Variants in MACROD2 observed in about 807,000 individuals in gnomAD.
MACROD2 encodes the protein mono-ADP ribosylhydrolase 2, also known as ADP-ribose glycohydrolase MACROD2.
MACROD2 carries 36 observed loss-of-function variants against 70.4 expected under a neutral mutation model. The observed-to-expected ratio is 0.51, with a 90% CI of 0.39 to 0.68. MACROD2 has a LOEUF of 0.68. MACROD2 is among the 30% of genes least tolerant of loss of function. MACROD2 has a pLI of 0.00. For synonymous variants in MACROD2, 172 were observed against 178.8 expected (o/e 0.96, Z 0.30); for missense variants, 496 against 538.4 (o/e 0.92, Z 0.78).
At chr20:14,929,006 G>A (rs1215685885) in intron 5 of MACROD2, among the ~76,000 whole-genome samples, 1 of 152,172 alleles carries the variant, frequency 6.6e-6, no homozygotes, top group Non-Finnish European at 1.5e-5. Context: ...AAAAGCAAGG[G>A]AGGTTTATGA....
chr20:15,811,805 A>G (rs1212364409), intron 8 of MACROD2, among the ~76,000 whole-genome samples: 1 of 152,184 alleles, frequency 6.6e-6, no homozygotes. Context: ...AGGATATAGT[A>G]CGTCAGCTGG....
At chr20:15,576,552 G>GTTTTTTT (rs11473854) in intron 8 of MACROD2, among the ~76,000 whole-genome samples, 14 of 145,740 alleles carry the variant, frequency 9.6e-5, no homozygotes, top group Non-Finnish European at 1.3e-4. Flanking sequence ...TGCACAAAAT[G>GTTTTTTT]TTTTTTTTTT....
chr20:15,493,377 T>C (rs1039795076), intron 7 of MACROD2, among the ~76,000 whole-genome samples: 3 of 152,228 alleles, frequency 2.0e-5, no homozygotes, highest in South Asian at 2.1e-4. Context: ...TTTTTTCTAG[T>C]GAGAACCTCC....
intron 5 of MACROD2, among the ~76,000 whole-genome samples, chr20:14,692,717 C>T (rs1269273707): frequency 1.3e-5 from 2 of 152,150 alleles, no homozygotes; most frequent in African/African-American, 4.8e-5. Flanking sequence ...TCTGTTATCC[C>T]ATCACCAAAC....
chr20:14,127,812 G>A, intron 3 of MACROD2: 1 of 462,322 alleles, frequency 2.2e-6, no homozygotes, highest in Non-Finnish European at 4.3e-6. Context: ...AGAGAAAGGA[G>A]AGAAGGAGAA....
chr20:14,983,120 T>C (rs893180795), intron 5 of MACROD2, among the ~76,000 whole-genome samples: 1 of 152,206 alleles, frequency 6.6e-6, no homozygotes, highest in African/African-American at 2.4e-5. Flanking sequence ...ACTGCCCTGC[T>C]GGATTTCAGA....
At chr20:15,154,366 A>G (rs1485894029) in intron 5 of MACROD2, among the ~76,000 whole-genome samples, 1 of 152,188 alleles carries the variant, frequency 6.6e-6, no homozygotes, top group Non-Finnish European at 1.5e-5. Context: ...AGAAGCTGAC[A>G]GTGGGCAGAA....
At chr20:14,732,615 C>A (rs867634557) in intron 5 of MACROD2, among the ~76,000 whole-genome samples, 1 of 152,082 alleles carries the variant, frequency 6.6e-6, no homozygotes, top group Non-Finnish European at 1.5e-5. Flanking sequence ...AAAGGAAAGT[C>A]GATGTTTTAG....
At chr20:14,344,788 T>C (rs1040662042) in intron 3 of MACROD2, among the ~76,000 whole-genome samples, 5 of 152,354 alleles carry the variant, frequency 3.3e-5, no homozygotes, top group African/African-American at 1.2e-4. Flanking sequence ...TTTAAAGTTA[T>C]TAATTTTTGT....
At chr20:14,769,905 T>G (rs1442058973) in intron 5 of MACROD2, among the ~76,000 whole-genome samples, 2 of 152,016 alleles carry the variant, frequency 1.3e-5, no homozygotes, top group African/African-American at 4.8e-5. Flanking sequence ...CAGAAACTAA[T>G]TAAATGTCCA....
chr20:14,970,915 CA>C (rs1358480633), intron 5 of MACROD2, among the ~76,000 whole-genome samples: 2 of 151,794 alleles, frequency 1.3e-5, no homozygotes, highest in Non-Finnish European at 2.9e-5. Context: ...CCATGCTCAG[CA>C]AAAAAACAGT....
chr20:14,372,234 T>C (rs914223500), intron 3 of MACROD2, among the ~76,000 whole-genome samples: 1 of 152,184 alleles, frequency 6.6e-6, no homozygotes, highest in Admixed American at 6.6e-5. Context: ...ATAATTTTAC[T>C]AGAAAAAACA....
At position 14,064,078 on chromosome 20, in the gene MACROD2, A is replaced by G. The variant is rs146988249; in HGVS notation, c.164-21543A>G. Among the ~76,000 whole-genome samples, 766 of 152,306 alleles carry G rather than the reference A, an allele frequency of 5.0e-3. 6 individuals carry two copies. Among genetic ancestry groups the G allele is most frequent in the Non-Finnish European group, 8.3e-3 (568 of 68,030 alleles). On this transcript the variant is annotated intron_variant, in intron 2 of 17. Transcript: ENST00000684519. Reference sequence around the variant, plus strand: ...ACTCAACCTGTAATTAATACATGAAATAGGCATTTCAGTGCTTCTGTTGTT... The same window carrying G: ...ACTCAACCTGTAATTAATACATGAAGTAGGCATTTCAGTGCTTCTGTTGTT...
At chr20:15,744,937 CA>C (rs138453622) in intron 8 of MACROD2, among the ~76,000 whole-genome samples, 30,505 of 151,960 alleles carry the variant, frequency 0.2, 3,520 homozygotes, top group African/African-American at 0.32. Flanking sequence ...TTGAAGTGTA[CA>C]TTTTTTTATG....
At chr20:14,527,789 A>AC (rs2085252526) in intron 4 of MACROD2, among the ~76,000 whole-genome samples, 1 of 152,200 alleles carries the variant, frequency 6.6e-6, no homozygotes. Flanking sequence ...CATGTGGTTC[A>AC]CCTGAGCCTG....
chr20:15,163,244 A>G (rs1462565944), intron 5 of MACROD2, among the ~76,000 whole-genome samples: 2 of 152,038 alleles, frequency 1.3e-5, no homozygotes, highest in Non-Finnish European at 2.9e-5. Flanking sequence ...CACCATAAGC[A>G]TAAAAAGACT....
chr20:14,307,040 C>T (rs921160856), intron 3 of MACROD2, among the ~76,000 whole-genome samples: 7 of 148,218 alleles, frequency 4.7e-5, no homozygotes, highest in African/African-American at 1.8e-4. Context: ...CACACACACA[C>T]ACACACAATT....
intron 5 of MACROD2, among the ~76,000 whole-genome samples, chr20:14,859,085 G>C (rs1384064691): frequency 6.6e-6 from 1 of 151,992 alleles, no homozygotes; most frequent in Non-Finnish European, 1.5e-5. Flanking sequence ...GGGAAGGTTG[G>C]GAGGGGGGTG....
At chr20:14,268,426 G>A (rs939185919) in intron 3 of MACROD2, among the ~76,000 whole-genome samples, 1 of 152,020 alleles carries the variant, frequency 6.6e-6, no homozygotes, top group Non-Finnish European at 1.5e-5. Flanking sequence ...CCTTTTTGAA[G>A]CAAACTGGTG....
Sources: allele counts gnomAD v4.1 joint callset (sites outside exome capture counted in the v4.1 genomes callset), GRCh38; gene constraint gnomAD v4.1.1; transcripts MANE v1.5; gene names NCBI Gene and HGNC (gene_info 2026-07-23, HGNC 2026-07-21).